Variants in CLVS1 observed in about 807,000 individuals in gnomAD.
CLVS1 encodes the protein clavesin 1, also known as clavesin-1.
In CLVS1, 10 loss-of-function variants were observed where a neutral mutation model predicts 33.1. The ratio of observed to expected loss-of-function variants is 0.30; its 90% CI spans 0.19 to 0.51. CLVS1 has a LOEUF of 0.51. CLVS1 is among the 20% of genes least tolerant of loss of function. CLVS1 has a pLI of 0.97. For synonymous variants in CLVS1, 163 were observed against 166.1 expected, an observed-to-expected ratio of 0.98 and a Z score of 0.14; for missense variants, 343 against 433.4, an observed-to-expected ratio of 0.79 and a Z score of 1.85.
At chr8:61,142,300 T>A (rs943848586) in intron 2 of CLVS1, among the ~76,000 whole-genome samples, 1 of 152,226 alleles carries the variant, frequency 6.6e-6, no homozygotes, top group Admixed American at 6.5e-5. Context: ...AGATGTGCCC[T>A]GCTTCCCCTT....
At chr8:61,022,412 T>G in the CLVS1 span, among the ~76,000 whole-genome samples, 4 of 152,238 alleles carry the variant, frequency 2.6e-5, no homozygotes, top group Non-Finnish European at 5.9e-5. Context: ...GCCTGCATGA[T>G]TGTGGTTTTT....
At chr8:61,026,619 C>T in the CLVS1 span, among the ~76,000 whole-genome samples, 2 of 152,182 alleles carry the variant, frequency 1.3e-5, no homozygotes, top group East Asian at 1.9e-4. Flanking sequence ...GAATCCTCCG[C>T]AAACCATAAG....
At chr8:61,484,835 C>A (rs1803812331) in intron 5 of CLVS1, among the ~76,000 whole-genome samples, 1 of 152,114 alleles carries the variant, frequency 6.6e-6, no homozygotes, top group Non-Finnish European at 1.5e-5. Context: ...CAAAAACAAG[C>A]AATGGGGAAA....
Position 61,191,265 on chromosome 8 carries a change from A to T in CLVS1, c.-152+59405A>T, listed in dbSNP as rs1042842432. Among the ~76,000 whole-genome samples the T allele has an allele frequency of 7.1e-4, 108 of 152,314 alleles. 1 individual carries two copies. The highest frequency in any genetic ancestry group is 1.0e-3 in the Non-Finnish European group (69 of 68,016). ...TAATCCAGCATGTAAACAGAACCAA[A>T]GACAAAAACCACATGATTATCTCAA... On this transcript the variant is annotated intron_variant, in intron 2 of 2. Transcript: ENST00000522621.
chr8:61,110,441 A>G (rs1362787672), intron 1 of CLVS1, among the ~76,000 whole-genome samples: 2 of 152,156 alleles, frequency 1.3e-5, no homozygotes, highest in East Asian at 1.9e-4. Context: ...TAAGGCAGCA[A>G]TCCATGAATG....
chr8:61,132,977 CA>C (rs1351298667), intron 2 of CLVS1, among the ~76,000 whole-genome samples: 1 of 152,192 alleles, frequency 6.6e-6, no homozygotes, highest in East Asian at 1.9e-4. Context: ...GAGGCCTGAG[CA>C]GCTCTAGTCT....
At chr8:61,324,082 T>C (rs1001290113) in intron 2 of CLVS1, among the ~76,000 whole-genome samples, 3 of 152,194 alleles carry the variant, frequency 2.0e-5, no homozygotes, top group Non-Finnish European at 4.4e-5. Flanking sequence ...TTTGTTATTC[T>C]GAATAGTGCT....
At chr8:61,359,688 G>A (rs1812890916) in intron 2 of CLVS1, among the ~76,000 whole-genome samples, 1 of 152,146 alleles carries the variant, frequency 6.6e-6, no homozygotes, top group South Asian at 2.1e-4. Context: ...AGGTGTAAGA[G>A]CTCTGAACCT....
the CLVS1 span, among the ~76,000 whole-genome samples, chr8:61,028,901 C>T: frequency 1.3e-5 from 2 of 152,300 alleles, no homozygotes; most frequent in African/African-American, 4.8e-5. Flanking sequence ...TTCCTCTGGC[C>T]TACAAGGGCA....
In CLVS1 at chr8:61,478,145, C is replaced by T. The variant is rs550273342; in HGVS notation, c.977+19603C>T. Among the ~76,000 whole-genome samples the T allele has an allele frequency of 2.4e-3, 358 of 152,254 alleles. 3 individuals carry two copies. Among genetic ancestry groups the T allele is most frequent in the African/African-American group, 8.2e-3 (340 of 41,528 alleles). ...AGCGGTTTTGAGTGAGTTTCTTAAT[C>T]CTGAGTTCTAGTTTGATTGCACTGT... On this transcript the variant is annotated intron_variant, in intron 5 of 5. Transcript: ENST00000325897.
At chr8:61,139,195 G>T (rs1356946313) in intron 2 of CLVS1, among the ~76,000 whole-genome samples, 1 of 152,034 alleles carries the variant, frequency 6.6e-6, no homozygotes, top group Non-Finnish European at 1.5e-5. Context: ...CGCCGGTGGC[G>T]CCGGCTGCCA....
chr8:61,314,583 C>T (rs1273204289), intron 2 of CLVS1, among the ~76,000 whole-genome samples: 1 of 152,194 alleles, frequency 6.6e-6, no homozygotes, highest in East Asian at 1.9e-4. Context: ...TCCGTACTCT[C>T]TTCCCTTGTT....
chr8:61,356,845 C>T lies in CLVS1; in HGVS notation c.456-19760C>T, dbSNP rs189073121. Among the ~76,000 whole-genome samples the T allele has an allele frequency of 5.8e-3, 884 of 152,224 alleles. 8 individuals are homozygous for T. Among genetic ancestry groups the T allele is most frequent in the African/African-American group, 0.021 (858 of 41,542 alleles). On this transcript the variant is annotated intron_variant, in intron 2 of 5. Coordinates refer to ENST00000325897, the MANE Select transcript of CLVS1 (RefSeq NM_173519.3). ...TGTAATATAGTTTGAAGTCAGGTAG[C>T]GTGATGCCTCCAGCTTTGTTCTTTT...
At chr8:61,104,213 T>C (rs983882401) in intron 1 of CLVS1, among the ~76,000 whole-genome samples, 6 of 152,168 alleles carry the variant, frequency 3.9e-5, no homozygotes, top group African/African-American at 1.4e-4. Context: ...CTATAGAGAA[T>C]GAAAACCTGA....
intron 2 of CLVS1, among the ~76,000 whole-genome samples, chr8:61,169,009 G>C (rs564069295): frequency 1.4e-4 from 21 of 152,286 alleles, no homozygotes; most frequent in African/African-American, 4.8e-4. Flanking sequence ...TTGAGACCTA[G>C]CCTTGACGAA....
At chr8:61,372,689 C>T (rs1371093888) in intron 2 of CLVS1, among the ~76,000 whole-genome samples, 1 of 152,026 alleles carries the variant, frequency 6.6e-6, no homozygotes, top group Non-Finnish European at 1.5e-5. Flanking sequence ...TCTTTAGGCT[C>T]CTCTTGGCTG....
At chr8:61,069,404 T>C (rs1804748809) in intron 1 of CLVS1, among the ~76,000 whole-genome samples, 1 of 137,042 alleles carries the variant, frequency 7.3e-6, no homozygotes, top group Non-Finnish European at 1.6e-5. Flanking sequence ...CTTCTTTCTC[T>C]CTCTCTTCCT....
chr8:60,969,658 A>C, the CLVS1 span, among the ~76,000 whole-genome samples: 44 of 152,034 alleles, frequency 2.9e-4, no homozygotes, highest in African/African-American at 9.9e-4. Flanking sequence ...TTAGGATTTT[A>C]TTTTTAGTTC....
chr8:61,402,498 C>T (rs563088016), intron 3 of CLVS1, among the ~76,000 whole-genome samples: 57 of 152,082 alleles, frequency 3.7e-4, no homozygotes, highest in African/African-American at 1.2e-3. Context: ...AGCTGTGGCC[C>T]GAGATCACAA....
Sources: gnomAD v4.1 joint callset for allele counts (sites outside exome capture counted in the v4.1 genomes callset) on GRCh38, gnomAD v4.1.1 for gene constraint, MANE v1.5 for transcripts, NCBI Gene and HGNC (gene_info 2026-07-23, HGNC 2026-07-21) for gene names.